The following ARMH3 variants were observed in gnomAD, a reference collection of about 807,000 sequenced individuals.
ARMH3 encodes armadillo-like helical domain-containing protein 3.
ARMH3 carries 60 observed loss-of-function variants against 99.1 expected under a neutral mutation model. The ratio of observed to expected loss-of-function variants is 0.61; its 90% CI spans 0.49 to 0.75. The LOEUF (loss-of-function observed/expected upper bound fraction) is 0.75. Ranked by LOEUF, ARMH3 falls within the 30% of genes least tolerant of loss-of-function variation. The pLI is 0.00. For missense variants in ARMH3, 679 were observed against 843.1 expected (o/e 0.81, Z 2.41); for synonymous variants, 285 against 292.8 (o/e 0.97, Z 0.27).
At chr10:101,959,115 T>A (rs1845169160) in intron 20 of ARMH3, among the ~76,000 whole-genome samples, 1 of 152,196 alleles carries the variant, frequency 6.6e-6, no homozygotes, top group Non-Finnish European at 1.5e-5. Context: ...AGCTGGCCCT[T>A]TTAATGGTGT....
rs1590151033 is a variant in ARMH3, at chr10:101,993,684, T to C, written c.1210-81A>G. The C allele has an allele frequency of 9.2e-6, 9 of 979,416 alleles. No homozygotes were observed. In the East Asian group the frequency reaches 2.0e-4, roughly 22 times the overall value. The allele number at this position is 979,416 out of a possible 1,614,324, so 60.7% of individuals were successfully genotyped here. A position where few individuals can be genotyped will look rare whatever the true frequency, so the allele number is the denominator to read the frequency against. ...ATCTATCACACTTCGTACAAATCCT[T>C]GGACTTTGAGAACTACTTTCAAGGA... is the stretch of plus-strand genomic sequence containing the variant. On this transcript the variant is annotated intron_variant, in intron 16 of 25. Transcript: ENST00000370033.
intron 22 of ARMH3, among the ~76,000 whole-genome samples, chr10:101,941,084 G>A (rs1027913617): frequency 2.0e-5 from 3 of 152,168 alleles, no homozygotes; most frequent in Admixed American, 6.5e-5. Flanking sequence ...AGACAAGTAC[G>A]GTAACTGATT....
intron 22 of ARMH3, among the ~76,000 whole-genome samples, chr10:101,955,495 C>T (rs2135801554): frequency 6.6e-6 from 1 of 152,206 alleles, no homozygotes; most frequent in African/African-American, 2.4e-5. Context: ...AAAAGTTTTC[C>T]TTCACTTCTC....
At chr10:102,043,483 AT>A (rs2136259397) in intron 1 of ARMH3, among the ~76,000 whole-genome samples, 1 of 152,374 alleles carries the variant, frequency 6.6e-6, no homozygotes, top group African/African-American at 2.4e-5. Context: ...GGAGCTCATA[AT>A]CTACTGGCAC....
intron 22 of ARMH3, among the ~76,000 whole-genome samples, chr10:101,946,192 A>G (rs1207410711): frequency 6.6e-6 from 1 of 152,038 alleles, no homozygotes; most frequent in Non-Finnish European, 1.5e-5. Flanking sequence ...AAAAGACAAA[A>G]AACAGATATC....
intron 18 of ARMH3, 105 bp from the exon 19 acceptor site, chr10:101,990,716 G>A (rs886821184): frequency 2.7e-5 from 22 of 808,124 alleles, no homozygotes; most frequent in East Asian, 2.2e-4. Context: ...CACACTGAAC[G>A]GCATCCACTA....
At chr10:102,024,357 G>A (rs2066953036) in intron 6 of ARMH3, among the ~76,000 whole-genome samples, 1 of 151,968 alleles carries the variant, frequency 6.6e-6, no homozygotes, top group Non-Finnish European at 1.5e-5. Context: ...GCTGAGGCAG[G>A]AGAACTGTTC....
At position 101,959,410 on chromosome 10, in the gene ARMH3, C is replaced by T. The variant is rs77405415; in HGVS notation, c.1496-1678G>A. ...ATCGGACTCTATAAAATCATAGAGG[C>T]GAGAGAAAGGGATGGGCAGCACGCT... On this transcript the variant is annotated intron_variant, in intron 20 of 25. Transcript: ENST00000370033. 8.0e-3 allele frequency among the ~76,000 whole-genome samples: 1,216 copies of T among 152,212 alleles called. 16 individuals carry two copies. The highest frequency in any genetic ancestry group is 0.013 in the South Asian group (61 of 4,816).
At chr10:102,023,417 G>A (rs570793739) in intron 8 of ARMH3, 60 bp downstream of exon 8, 1 of 1,454,826 alleles carries the variant, frequency 6.9e-7, no homozygotes, top group Non-Finnish European at 9.5e-7. Context: ...TCCTTTAGGA[G>A]GGGCCGCATT....
At chr10:101,904,276 G>A (rs747921530) in intron 23 of ARMH3, among the ~76,000 whole-genome samples, 10 of 152,084 alleles carry the variant, frequency 6.6e-5, no homozygotes, top group Non-Finnish European at 1.2e-4. Flanking sequence ...ACACCTTACC[G>A]CCAAGAGCAG....
intron 15 of ARMH3, among the ~76,000 whole-genome samples, chr10:102,001,758 G>A (rs1330252052): frequency 5.3e-5 from 8 of 152,064 alleles, no homozygotes; most frequent in Admixed American, 5.2e-4. Context: ...TTCTATTTTT[G>A]AGTACTCCCC....
In ARMH3 at chr10:101,956,730, A is replaced by C. The variant is rs1845057767; in HGVS notation, c.1579-7T>G. ...TATTAAATAGGTTCACAATCTAAAA[A>C]AGAAGGAAAGGCCCATATATAGGCA... is the stretch of plus-strand genomic sequence containing the variant. On this transcript the variant is annotated splice_polypyrimidine_tract_variant and splice_region_variant and intron_variant, in intron 21 of 25. Transcript: ENST00000370033. The C allele has an allele frequency of 6.2e-7, 1 of 1,612,438 alleles. No individual in the cohort carries two copies. Among genetic ancestry groups the C allele is most frequent in the African/African-American group, 1.3e-5 (1 of 74,872 alleles).
At chr10:102,015,065 A>C (rs1335913358) in intron 8 of ARMH3, among the ~76,000 whole-genome samples, 1 of 152,222 alleles carries the variant, frequency 6.6e-6, no homozygotes. Flanking sequence ...AGAAAGAGAC[A>C]GCTTTGCTTT....
chr10:102,034,509 A>G (rs2067203202), intron 2 of ARMH3, among the ~76,000 whole-genome samples: 1 of 151,656 alleles, frequency 6.6e-6, no homozygotes, highest in Non-Finnish European at 1.5e-5. Context: ...GGTGGTGGGC[A>G]CCTGTAGTCC....
At chr10:101,975,767 G>C (rs1845968221) in intron 19 of ARMH3, among the ~76,000 whole-genome samples, 1 of 151,992 alleles carries the variant, frequency 6.6e-6, no homozygotes, top group Non-Finnish European at 1.5e-5. Flanking sequence ...GGTTGAGGCA[G>C]AAGAATCACT....
intron 23 of ARMH3, among the ~76,000 whole-genome samples, chr10:101,892,348 A>G (rs1415825296): frequency 6.6e-6 from 1 of 152,090 alleles, no homozygotes; most frequent in South Asian, 2.1e-4. Context: ...AGTCTCAGCT[A>G]CTTGGAAGGC....
chr10:101,901,394 C>G (rs908193640), intron 23 of ARMH3, among the ~76,000 whole-genome samples: 10 of 152,078 alleles, frequency 6.6e-5, no homozygotes, highest in Non-Finnish European at 1.3e-4. Flanking sequence ...ATCAGCAAGT[C>G]TGCCAAAGTA....
rs59674976 is a variant in ARMH3, at chr10:101,997,590, C to CA, written c.1151-2236dup. Among the ~76,000 whole-genome samples the CA allele has an allele frequency of 5.5e-3, 616 of 112,774 alleles. 3 individuals are homozygous for CA. The highest frequency in any genetic ancestry group is 0.015 in the African/African-American group (455 of 30,242). The allele number at this position is 112,774 out of a possible 152,430, so 74.0% of individuals were successfully genotyped here. On this transcript the variant is annotated intron_variant, in intron 15 of 25. Transcript: ENST00000370033. ...CTGGCGACAGAGCAAGACTCCGTCT[C>CA]AAAAAAAAAAAAAAAATTCTGGAGA...
At chr10:101,963,999 C>T (rs1845427136) in intron 20 of ARMH3, among the ~76,000 whole-genome samples, 1 of 151,756 alleles carries the variant, frequency 6.6e-6, no homozygotes, top group Non-Finnish European at 1.5e-5. Context: ...GCCTCAGCCT[C>T]CCGAGCAGCT....
Sources: gnomAD v4.1 joint callset for allele counts (sites outside exome capture counted in the v4.1 genomes callset) on GRCh38, gnomAD v4.1.1 for gene constraint, MANE v1.5 for transcripts, NCBI Gene and HGNC (gene_info 2026-07-23, HGNC 2026-07-21) for gene names.